Variants in ZNF618 observed in about 807,000 individuals in gnomAD.
ZNF618 encodes neural precursor cell expressed, developmentally down-regulated 10.
A neutral mutation model predicts 103.0 loss-of-function variants in ZNF618; 34 were observed. The ratio of observed to expected loss-of-function variants is 0.33; its 90% confidence interval spans 0.25 to 0.44. The LOEUF (loss-of-function observed/expected upper bound fraction) is 0.44, where lower values mean the gene tolerates loss of function less well. Ranked by LOEUF, ZNF618 falls within the 20% of genes least tolerant of loss-of-function variation. The probability of loss-of-function intolerance (pLI) is 1.00; values close to 1 mark genes in which losing one functional copy is unlikely to be tolerated. For missense variants in ZNF618, 1,059 were observed against 1,295.4 expected (o/e 0.82, Z 2.80); for synonymous variants, 551 against 542.2 (o/e 1.02, Z -0.23).
chr9:113,914,459 T>A (rs918817835), intron 1 of ZNF618, among the ~76,000 whole-genome samples: 4 of 152,188 alleles, frequency 2.6e-5, no homozygotes, highest in African/African-American at 9.6e-5. Flanking sequence ...ACCCATTGGG[T>A]GGGACTTTAA....
intron 13 of ZNF618, among the ~76,000 whole-genome samples, chr9:114,043,567 TA>T (rs1845397701): frequency 6.6e-6 from 1 of 152,218 alleles, no homozygotes; most frequent in African/African-American, 2.4e-5. Context: ...ATATACCTAG[TA>T]ATGGGATTGC....
At chr9:113,885,401 T>A (rs561576021) in intron 1 of ZNF618, among the ~76,000 whole-genome samples, 1 of 152,370 alleles carries the variant, frequency 6.6e-6, no homozygotes, top group African/African-American at 2.4e-5. Context: ...TACACGTTAC[T>A]TTTTATAACT....
In ZNF618 at chr9:114,051,056, C is replaced by A. The variant is rs965857767; in HGVS notation, c.*889C>A. ...TACTGTCTCCACTCCCTAATAATTT[C>A]TCTCCCTAACATTTTAGCAATTTTT... On this transcript the variant is annotated 3_prime_UTR_variant, in exon 15 of 15. Coordinates refer to ENST00000374126, the MANE Select transcript of ZNF618 (RefSeq NM_001318042.2). 7.2e-5 allele frequency: 11 copies of A among 152,670 alleles called. No individual in the cohort carries two copies. Among genetic ancestry groups the A allele is most frequent in the African/African-American group, 2.2e-4 (9 of 41,456 alleles). 9.5% of individuals were successfully genotyped at this position (152,670 alleles called of 1,614,324 possible).
intron 1 of ZNF618, among the ~76,000 whole-genome samples, chr9:113,968,071 T>C (rs1837585074): frequency 1.3e-5 from 2 of 152,190 alleles, no homozygotes; most frequent in South Asian, 4.1e-4. Flanking sequence ...TCCGCAATCC[T>C]GAAATTCAAA....
intron 6 of ZNF618, among the ~76,000 whole-genome samples, chr9:114,005,467 G>A (rs1841655824): frequency 6.6e-6 from 1 of 152,186 alleles, no homozygotes; most frequent in South Asian, 2.1e-4. Flanking sequence ...GAAACCTGGG[G>A]GCTCACGTTT....
intron 3 of ZNF618, among the ~76,000 whole-genome samples, chr9:113,993,184 TAGG>T (rs1217418303): frequency 1.3e-5 from 2 of 152,038 alleles, no homozygotes; most frequent in Admixed American, 1.3e-4. Context: ...GGGGCTCCTC[TAGG>T]AGGAGGAGCA....
chr9:113,930,826 T>A lies in ZNF618; in HGVS notation c.34-38291T>A, dbSNP rs534370390. The stretch of plus-strand genomic sequence containing the variant: ...GTATTGAACTGTCACTTTTCTGGGC[T>A]CAGGACTGTGATGATCCAACAGGAT... On this transcript the variant is annotated intron_variant, in intron 1 of 14. Coordinates refer to ENST00000374126, the MANE Select transcript of ZNF618 (RefSeq NM_001318042.2). Among the ~76,000 whole-genome samples the A allele has an allele frequency of 8.5e-5, 13 of 152,310 alleles. 1 individual carries two copies. Among genetic ancestry groups the A allele is most frequent in the African/African-American group, 3.1e-4 (13 of 41,570 alleles).
chr9:113,970,859 A>G (rs532942125), intron 2 of ZNF618, among the ~76,000 whole-genome samples: 1 of 149,550 alleles, frequency 6.7e-6, no homozygotes, highest in Admixed American at 6.7e-5. Context: ...CTCTCTGAGA[A>G]TGCCAGCTCC....
chr9:113,957,212 C>A (rs1023741143), intron 1 of ZNF618, among the ~76,000 whole-genome samples: 1 of 152,200 alleles, frequency 6.6e-6, no homozygotes, highest in Non-Finnish European at 1.5e-5. Flanking sequence ...TTAATGACAT[C>A]ATCCAGATCT....
intron 1 of ZNF618, among the ~76,000 whole-genome samples, chr9:113,923,888 C>G (rs1228766197): frequency 2.6e-5 from 4 of 151,994 alleles, no homozygotes; most frequent in Admixed American, 6.5e-5. Flanking sequence ...CACCCTTAAT[C>G]CAAAAATCCA....
intron 1 of ZNF618, among the ~76,000 whole-genome samples, chr9:113,931,950 G>GATTC (rs1833625826): frequency 6.6e-6 from 1 of 152,154 alleles, no homozygotes; most frequent in Admixed American, 6.5e-5. Context: ...TGTAGTGATT[G>GATTC]ATTCATTCAT....
chr9:113,896,932 T>C (rs1830083368), intron 1 of ZNF618, among the ~76,000 whole-genome samples: 1 of 152,154 alleles, frequency 6.6e-6, no homozygotes, highest in African/African-American at 2.4e-5. Context: ...CATTTCCTGC[T>C]TTTACCTTTA....
chr9:113,877,003 A>G (rs1325398130), intron 1 of ZNF618, among the ~76,000 whole-genome samples: 2 of 152,006 alleles, frequency 1.3e-5, no homozygotes, highest in Non-Finnish European at 2.9e-5. Context: ...ATTAAAATTG[A>G]AAAGAAATAT....
At chr9:113,914,062 C>T (rs138119686) in intron 1 of ZNF618, among the ~76,000 whole-genome samples, 1 of 152,108 alleles carries the variant, frequency 6.6e-6, no homozygotes, top group East Asian at 1.9e-4. Flanking sequence ...CCTGGACCAC[C>T]CTTTCCCCCT....
intron 1 of ZNF618, among the ~76,000 whole-genome samples, chr9:113,894,623 G>T (rs1489693980): frequency 4.6e-5 from 7 of 152,012 alleles, no homozygotes; most frequent in Non-Finnish European, 8.8e-5. Context: ...ATTCATTCAC[G>T]CTCCTTTATA....
chr9:114,042,701 G>A (rs532900145), intron 13 of ZNF618, among the ~76,000 whole-genome samples: 23 of 152,210 alleles, frequency 1.5e-4, no homozygotes, highest in African/African-American at 5.1e-4. Flanking sequence ...ATGGTAGCAC[G>A]CCCCTGTAGT....
At chr9:113,958,346 T>C (rs1318847860) in intron 1 of ZNF618, among the ~76,000 whole-genome samples, 1 of 152,128 alleles carries the variant, frequency 6.6e-6, no homozygotes, top group East Asian at 1.9e-4. Flanking sequence ...CCTCTTATGG[T>C]AGTTGAGAAC....
At chr9:113,972,875 T>A (rs1838110960) in intron 2 of ZNF618, among the ~76,000 whole-genome samples, 1 of 152,154 alleles carries the variant, frequency 6.6e-6, no homozygotes, top group African/African-American at 2.4e-5. Flanking sequence ...GAGACCAGCC[T>A]GGCCAACATG....
chr9:114,025,859 G>A (rs951245349), intron 10 of ZNF618, among the ~76,000 whole-genome samples: 5 of 152,196 alleles, frequency 3.3e-5, no homozygotes, highest in Admixed American at 2.6e-4. Flanking sequence ...GGCCGCTCAC[G>A]CATTGATACA....
Sources: gnomAD v4.1 joint callset for allele counts (sites outside exome capture counted in the v4.1 genomes callset) on GRCh38, gnomAD v4.1.1 for gene constraint, MANE v1.5 for transcripts, NCBI Gene and HGNC (gene_info 2026-07-23, HGNC 2026-07-21) for gene names.